PDE4B: variants seen among roughly 807,000 people sequenced by gnomAD.
PDE4B encodes phosphodiesterase 4B.
Under a neutral mutation model 82.2 loss-of-function variants are expected in PDE4B, and 20 were observed. That is an observed-to-expected ratio of 0.24 (90% confidence interval 0.17 to 0.35). The LOEUF is 0.35. Among genes scored for constraint, PDE4B ranks in the 10% least tolerant of loss-of-function variants. PDE4B has a pLI of 1.00. For missense variants in PDE4B, 655 were observed against 907.2 expected, an observed-to-expected ratio of 0.72 and a Z score of 3.57; for synonymous variants, 320 against 318.9, an observed-to-expected ratio of 1.00 and a Z score of -0.04.
chr1:66,324,675 T>G (rs952935277), intron 7 of PDE4B, among the ~76,000 whole-genome samples: 2 of 152,154 alleles, frequency 1.3e-5, no homozygotes, highest in African/African-American at 4.8e-5. Context: ...CTTTTATGAA[T>G]CCACCCAGAG....
rs549931536 is a variant in PDE4B, at chr1:65,913,389, C to A, written c.42+33C>A. 6.4e-5 allele frequency: 102 copies of A among 1,606,258 alleles called. 2 individuals are homozygous for A. The South Asian group carries it at 1.1e-3, about 17-fold the overall frequency. On this transcript the variant is annotated intron_variant, in intron 2 of 16. Transcript: ENST00000341517. ...TCAAAAGGTCCCAATCATGTTTGGT[C>A]TGTTCAATAAAGAAGTCACTGGATA...
At chr1:66,355,869 G>A (rs1015758450) in intron 9 of PDE4B, among the ~76,000 whole-genome samples, 1 of 152,082 alleles carries the variant, frequency 6.6e-6, no homozygotes, top group Non-Finnish European at 1.5e-5. Context: ...TATTTAAACG[G>A]CCCTCAGCCC....
chr1:66,322,072 A>T (rs1482494164), intron 7 of PDE4B, among the ~76,000 whole-genome samples: 2 of 152,198 alleles, frequency 1.3e-5, no homozygotes, highest in African/African-American at 4.8e-5. Context: ...GCAATGGGGT[A>T]ATGATTCCCT....
At chr1:66,045,256 T>C (rs1158988135) in intron 3 of PDE4B, among the ~76,000 whole-genome samples, 2 of 151,790 alleles carry the variant, frequency 1.3e-5, no homozygotes, top group African/African-American at 4.8e-5. Context: ...TTTTTCAATT[T>C]TTCTTTTCAA....
intron 7 of PDE4B, among the ~76,000 whole-genome samples, chr1:66,305,119 G>A (rs1208466743): frequency 2.0e-5 from 3 of 152,078 alleles, no homozygotes. Flanking sequence ...CAAGATAATG[G>A]GATAAGGAGT....
intron 3 of PDE4B, among the ~76,000 whole-genome samples, chr1:66,214,844 A>T (rs1233681752): frequency 6.6e-6 from 1 of 152,180 alleles, no homozygotes; most frequent in African/African-American, 2.4e-5. Context: ...GACTGGCAAC[A>T]GCAGCCTGAG....
intron 3 of PDE4B, among the ~76,000 whole-genome samples, chr1:66,235,816 CA>C (rs1351851922): frequency 1.3e-5 from 2 of 152,086 alleles, no homozygotes; most frequent in African/African-American, 4.8e-5. Context: ...TTTAACTGAG[CA>C]AAGGATTTTT....
At chr1:65,898,390 A>G (rs1646934298) in intron 1 of PDE4B, among the ~76,000 whole-genome samples, 1 of 152,118 alleles carries the variant, frequency 6.6e-6, no homozygotes. Context: ...GGACTTAGTC[A>G]TAAATTCTTT....
chr1:65,825,735 T>TATCTATCTATC (rs1646009021), intron 1 of PDE4B, among the ~76,000 whole-genome samples: 1 of 152,060 alleles, frequency 6.6e-6, no homozygotes, highest in South Asian at 2.1e-4. Context: ...TCTATCTATC[T>TATCTATCTATC]ATCTATCTAT....
intron 3 of PDE4B, among the ~76,000 whole-genome samples, chr1:65,978,577 C>G (rs1650531104): frequency 6.6e-6 from 1 of 152,034 alleles, no homozygotes; most frequent in African/African-American, 2.4e-5. Context: ...AATTTGTTTC[C>G]CCAAGTATTT....
chr1:66,276,569 A>G (rs1655893289), intron 7 of PDE4B, among the ~76,000 whole-genome samples: 1 of 152,220 alleles, frequency 6.6e-6, no homozygotes, highest in African/African-American at 2.4e-5. Context: ...TTTCTCATCT[A>G]TCCATTTTAT....
chr1:66,096,167 C>G (rs188437511), intron 3 of PDE4B, among the ~76,000 whole-genome samples: 1 of 151,620 alleles, frequency 6.6e-6, no homozygotes, highest in South Asian at 2.1e-4. Flanking sequence ...GTGCATATAC[C>G]CTTTTCCTTA....
At chr1:66,061,182 C>T (rs1220439993) in intron 3 of PDE4B, among the ~76,000 whole-genome samples, 2 of 150,038 alleles carry the variant, frequency 1.3e-5, no homozygotes, top group East Asian at 1.9e-4. Context: ...CAGATTTTAA[C>T]CTTAATTTGA....
rs554440682 is a variant in PDE4B at position 66,029,763 on chromosome 1, C to T, written c.281+110928C>T. Among the ~76,000 whole-genome samples, 66 of 152,088 alleles carry T rather than the reference C, an allele frequency of 4.3e-4. 2 individuals carry two copies. In the South Asian group the frequency reaches 0.013, roughly 31 times the overall value. On this transcript the variant is annotated intron_variant, in intron 3 of 16. Coordinates refer to ENST00000341517, the MANE Select transcript of PDE4B (RefSeq NM_002600.4). ...ATTCATCTTCCTACATCTAGACATG[C>T]AATAATGAAATATTTTAAATACTGA... is the stretch of plus-strand genomic sequence containing the variant.
chr1:66,076,288 C>A (rs1319017768), intron 3 of PDE4B, among the ~76,000 whole-genome samples: 4 of 152,076 alleles, frequency 2.6e-5, no homozygotes, highest in African/African-American at 7.2e-5. Flanking sequence ...TTTGGGTTTC[C>A]ATTTCTGCAT....
At position 65,997,493 on chromosome 1, in the gene PDE4B, A is replaced by T. The variant is rs1651617499; in HGVS notation, c.281+78658A>T. Among the ~76,000 whole-genome samples the T allele has an allele frequency of 4.6e-5, 7 of 152,214 alleles. No individual in the cohort carries two copies. The South Asian group carries it at 1.2e-3, about 27-fold the overall frequency. On this transcript the variant is annotated intron_variant, in intron 3 of 16. Transcript: ENST00000341517. Reference sequence around the variant, plus strand: ...TGGAGAATAGGAAAAAAAACAGTGAATATGGCATATGATTGACCTTAGAAC... The same window carrying T: ...TGGAGAATAGGAAAAAAAACAGTGATTATGGCATATGATTGACCTTAGAAC...
chr1:66,232,738 C>A (rs1224768978), intron 3 of PDE4B, among the ~76,000 whole-genome samples: 1 of 152,152 alleles, frequency 6.6e-6, no homozygotes, highest in African/African-American at 2.4e-5. Flanking sequence ...AAGATAGTGA[C>A]TAAGAATTGA....
rs571661847 is a variant in PDE4B at position 65,835,111 on chromosome 1, A to G, written c.-71+41863A>G. On this transcript the variant is annotated intron_variant, in intron 1 of 16. Coordinates refer to ENST00000341517, the MANE Select transcript of PDE4B (RefSeq NM_002600.4). ...ATTAATAATCAACAAATAATAGGAC[A>G]AGCAGGAATTTTTAAATAAGCAAGT... Among the ~76,000 whole-genome samples, 12 of 152,318 alleles carry G rather than the reference A, an allele frequency of 7.9e-5. No individual in the cohort carries two copies. In the South Asian group the frequency reaches 2.5e-3, roughly 32 times the overall value.
intron 3 of PDE4B, among the ~76,000 whole-genome samples, chr1:65,972,141 G>T (rs1217836891): frequency 1.3e-5 from 2 of 152,074 alleles, no homozygotes; most frequent in Non-Finnish European, 2.9e-5. Context: ...TATATGTTTT[G>T]ATTTTTAAGT....
Sources: gnomAD v4.1 joint callset for allele counts (sites outside exome capture counted in the v4.1 genomes callset) on GRCh38, gnomAD v4.1.1 for gene constraint, MANE v1.5 for transcripts, NCBI Gene and HGNC (gene_info 2026-07-23, HGNC 2026-07-21) for gene names.